The following MAP4 variants were observed in gnomAD, a reference collection of about 807,000 sequenced individuals.
MAP4 encodes the protein microtubule-associated protein 4.
In MAP4, 76 loss-of-function variants were observed where a neutral mutation model predicts 170.2. That is an observed-to-expected ratio of 0.45 (90% CI 0.37 to 0.54). The LOEUF (loss-of-function observed/expected upper bound fraction) is 0.54, where lower values mean the gene tolerates loss of function less well. Ranked by LOEUF, MAP4 falls within the 20% of genes least tolerant of loss-of-function variation. The pLI, the probability that MAP4 is intolerant of heterozygous loss-of-function variation, is 0.00. For synonymous variants in MAP4, 909 were observed against 994.5 expected, an observed-to-expected ratio of 0.91 and a Z score of 1.62; for missense variants, 2,506 against 2,748.0, an observed-to-expected ratio of 0.91 and a Z score of 1.97.
chr3:47,971,156 A>G (rs1292888874), intron 3 of MAP4, among the ~76,000 whole-genome samples: 1 of 152,230 alleles, frequency 6.6e-6, no homozygotes, highest in Admixed American at 6.5e-5. Context: ...CATGCAACTC[A>G]TTAACTGGAA....
At chr3:47,976,489 G>A (rs964899009) in intron 3 of MAP4, among the ~76,000 whole-genome samples, 1 of 152,082 alleles carries the variant, frequency 6.6e-6, no homozygotes, top group Non-Finnish European at 1.5e-5. Context: ...CCTTACCCTG[G>A]TTAACTGGTT....
chr3:47,863,146 T>C (rs1238987965), intron 17 of MAP4, among the ~76,000 whole-genome samples: 3 of 152,120 alleles, frequency 2.0e-5, no homozygotes, highest in African/African-American at 7.2e-5. Context: ...CTGGCTAATT[T>C]TGTACTTTTA....
In MAP4 at chr3:47,852,375, G is replaced by GGC. The variant is rs2044073324; in HGVS notation, c.*558_*559insGC. The GGC allele has an allele frequency of 1.6e-5, 3 of 183,682 alleles. No individual in the cohort carries two copies. The highest frequency in any genetic ancestry group is 7.1e-5 in the African/African-American group (3 of 42,064). 11.4% of individuals were successfully genotyped at this position (183,682 alleles called of 1,614,324 possible). On this transcript the variant is annotated 3_prime_UTR_variant, in exon 21 of 21. Transcript: ENST00000683076. ...AAGAAGGGCCCGACACCACCTGCATGGGGAGGGGGGGGCGCCCATTTGTGG... is the reference window on the plus strand; with the variant it reads ...AAGAAGGGCCCGACACCACCTGCATGGCGGGAGGGGGGGGCGCCCATTTGTGG...
chr3:47,995,165 A>G (rs1187436259), intron 2 of MAP4, among the ~76,000 whole-genome samples: 2 of 152,182 alleles, frequency 1.3e-5, no homozygotes, highest in Non-Finnish European at 2.9e-5. Context: ...AAGGATAAAA[A>G]TAAAATATGA....
At chr3:48,014,915 G>C (rs1290130450) in intron 1 of MAP4, among the ~76,000 whole-genome samples, 2 of 152,060 alleles carry the variant, frequency 1.3e-5, no homozygotes. Flanking sequence ...TGAGTTCTTG[G>C]TTCTGGTGTG....
At position 47,867,251 on chromosome 3, in the gene MAP4, C is replaced by T; in HGVS notation, c.6496G>A (p.Gly2166Ser). 6.2e-7 allele frequency: 1 copy of T among 1,608,720 alleles called. No homozygotes were observed. The highest frequency in any genetic ancestry group is 8.5e-7 in the Non-Finnish European group (1 of 1,175,648). ...KDNIKHVPGG[G>S]NVQIQNKKVD... is the part of the protein sequence containing the mutation. ...TAACCAGAGCTTATACTTACATTACCACCTCCAGGGACATGCTTAATATTG... is the reference window on the plus strand; with the variant it reads ...TAACCAGAGCTTATACTTACATTACTACCTCCAGGGACATGCTTAATATTG... Residue 2166 changes from glycine (G) to serine (S), a missense_variant, in exon 17 of 21, where the codon GGT (glycine) becomes AGT (serine). Physicochemically the swap from Gly to Ser is moderately conservative, Grantham distance 56 (BLOSUM62 0). Coordinates refer to ENST00000683076, the MANE Select transcript of MAP4 (RefSeq NM_001385682.1).
At chr3:48,033,001 T>TC (rs1334553132) in intron 1 of MAP4, among the ~76,000 whole-genome samples, 1 of 152,180 alleles carries the variant, frequency 6.6e-6, no homozygotes, top group East Asian at 1.9e-4. Flanking sequence ...GATGTGCACA[T>TC]CTAATATTTC....
At chr3:47,892,544 C>T in intron 10 of MAP4, 1 of 1,463,726 alleles carries the variant, frequency 6.8e-7, no homozygotes. Flanking sequence ...CTAATACCAC[C>T]TACGATCACA....
intron 3 of MAP4, chr3:47,960,953 TC>T (rs2100071207): frequency 6.2e-6 from 1 of 162,202 alleles, no homozygotes. Flanking sequence ...AAACAGATTC[TC>T]CATCATAGAG....
rs889917827 is a variant in MAP4 at position 47,855,179 on chromosome 3, GGACCCT to G, written c.6696+63_6696+68del. The G allele has an allele frequency of 3.9e-5, 42 of 1,076,044 alleles. No homozygotes were observed. Among genetic ancestry groups the G allele is most frequent in the Non-Finnish European group, 6.0e-5 (42 of 695,560 alleles). The allele number at this position is 1,076,044 out of a possible 1,614,324, so 66.7% of individuals were successfully genotyped here. ...GGCGGTGACAGGTGCCTACCTGTGA[GGACCCT>G]GACCCTAACTGCATAGTTCCCACCC... On this transcript the variant is annotated intron_variant, in intron 19 of 20. Coordinates refer to ENST00000683076, the MANE Select transcript of MAP4 (RefSeq NM_001385682.1). This position sits in a 1 kb window ranked among gnomAD's most constrained non-coding sequence, Gnocchi z 5.1.
In MAP4 at chr3:47,879,175, G is replaced by T. The variant is rs561376143; in HGVS notation, c.5435-1652C>A. 1.3e-3 allele frequency among the ~76,000 whole-genome samples: 202 copies of T among 151,710 alleles called. 1 individual carries two copies. Among genetic ancestry groups the T allele is most frequent in the African/African-American group, 4.6e-3 (190 of 41,376 alleles). On this transcript the variant is annotated intron_variant, in intron 10 of 20. Coordinates refer to ENST00000683076, the MANE Select transcript of MAP4 (RefSeq NM_001385682.1). The stretch of plus-strand genomic sequence containing the variant: ...TGGTAGAAATATCAATGTAATCTCT[G>T]AATGTGAAAAAATAAAGCATGGAGA...
intron 3 of MAP4, among the ~76,000 whole-genome samples, chr3:47,947,338 C>T (rs948282964): frequency 6.6e-6 from 1 of 152,086 alleles, no homozygotes; most frequent in Non-Finnish European, 1.5e-5. Context: ...GACTTGTGGC[C>T]CAATCTCCTA....
At chr3:47,865,135 C>T (rs1262314000) in intron 17 of MAP4, among the ~76,000 whole-genome samples, 5 of 152,064 alleles carry the variant, frequency 3.3e-5, no homozygotes, top group Admixed American at 3.3e-4. Context: ...CAAAACAAAA[C>T]AAAAAACCCT....
At chr3:47,906,600 T>C (rs1198675678) in intron 9 of MAP4, among the ~76,000 whole-genome samples, 1 of 151,672 alleles carries the variant, frequency 6.6e-6, no homozygotes, top group East Asian at 1.9e-4. Context: ...GGAGAATCAC[T>C]TGAACCCAGG....
Position 47,916,306 on chromosome 3 carries a change from A to C in MAP4, c.1521T>G (p.Ser507=). 6.2e-7 allele frequency: 1 copy of C among 1,614,216 alleles called. No homozygotes were observed. The highest frequency in any genetic ancestry group is 8.5e-7 in the Non-Finnish European group (1 of 1,180,034). ...VKEVGLLKDM[S]PLSETEMALG... is the part of the protein sequence containing the mutation. Reference sequence around the variant, plus strand: ...GAGCCATTTCTGTTTCTGATAGTGGAGACATGTCCTTCAACAAGCCCACTT... The same window carrying C: ...GAGCCATTTCTGTTTCTGATAGTGGCGACATGTCCTTCAACAAGCCCACTT... Residue 507 remains serine, a synonymous_variant, in exon 7 of 21, where the codon TCT becomes TCG. Coordinates refer to ENST00000683076, the MANE Select transcript of MAP4 (RefSeq NM_001385682.1).
At chr3:47,981,305 A>T (rs544332984) in intron 2 of MAP4, among the ~76,000 whole-genome samples, 12 of 152,278 alleles carry the variant, frequency 7.9e-5, no homozygotes, top group African/African-American at 2.9e-4. Flanking sequence ...CTATAGTCCC[A>T]GCTATTAGGG....
chr3:47,898,684 C>T (rs953968626), intron 10 of MAP4, among the ~76,000 whole-genome samples: 49 of 152,260 alleles, frequency 3.2e-4, no homozygotes, highest in African/African-American at 1.1e-3. Flanking sequence ...TAGTAGCCCA[C>T]GCCTGTAACA....
intron 1 of MAP4, among the ~76,000 whole-genome samples, chr3:48,056,664 T>G (rs1579639769): frequency 1.1e-5 from 1 of 90,418 alleles, no homozygotes; most frequent in African/African-American, 5.1e-5. Flanking sequence ...GGGAGGGAGG[T>G]GGGGGGGTCA....
At chr3:47,975,607 G>C (rs554993485) in intron 3 of MAP4, 3 of 709,412 alleles carry the variant, frequency 4.2e-6, no homozygotes, top group African/African-American at 1.8e-5. Flanking sequence ...GTTTGCTCTC[G>C]GGACTATAGA....
Sources: gnomAD v4.1 joint callset for allele counts (sites outside exome capture counted in the v4.1 genomes callset) on GRCh38, gnomAD v4.1.1 for gene constraint, Gnocchi (gnomAD v3.1) non-coding constraint, MANE v1.5 for transcripts, NCBI Gene and HGNC (gene_info 2026-07-23, HGNC 2026-07-21) for gene names.